DOCK9: variants seen among roughly 807,000 people sequenced by gnomAD.
The protein encoded by DOCK9 is dedicator of cytokinesis 9.
A neutral mutation model predicts 263.3 loss-of-function variants in DOCK9; 89 were observed. The ratio of observed to expected loss-of-function variants is 0.34; its 90% CI spans 0.28 to 0.40. The LOEUF is 0.40. DOCK9 is among the 10% of genes least tolerant of loss of function. The pLI, the probability that DOCK9 is intolerant of heterozygous loss-of-function variation, is 1.00. For synonymous variants in DOCK9, 976 were observed against 973.1 expected (o/e 1.00, Z -0.06); for missense variants, 2,140 against 2,603.4 (o/e 0.82, Z 3.87).
chr13:98,883,845 A>G lies in DOCK9; in HGVS notation c.2437T>C (p.Ser813Pro). 6.2e-7 allele frequency: 1 copy of G among 1,612,744 alleles called. No individual in the cohort carries two copies. The highest frequency in any genetic ancestry group is 8.5e-7 in the Non-Finnish European group (1 of 1,179,520). The part of the protein sequence containing the change: ...VDGGKPLLKI[S>P]THLVSTVYTQ... ...TACACTGTAGAAACCAGATGAGTGG[A>G]AATTTTCAGCAGTGGCTTGCCTCCA... The change falls in exon 22 of 53, where the codon TCC (serine) becomes CCC (proline). Residue 813 changes from serine to proline, a missense_variant. Physicochemically the swap from Ser to Pro is moderately conservative, Grantham distance 74 (BLOSUM62 -1). This residue lies in a region of DOCK9 where 1,521 missense variants were observed against 1,741.7 expected (regional missense o/e 0.87). Transcript: ENST00000682017.
At chr13:99,052,714 C>T (rs531321342) in intron 1 of DOCK9, among the ~76,000 whole-genome samples, 13 of 151,836 alleles carry the variant, frequency 8.6e-5, no homozygotes, top group Admixed American at 7.2e-4. Context: ...GGTCCTCCTA[C>T]GTCAGACTCC....
At chr13:98,802,460 A>G (rs1309838824) in intron 49 of DOCK9, among the ~76,000 whole-genome samples, 1 of 152,208 alleles carries the variant, frequency 6.6e-6, no homozygotes, top group African/African-American at 2.4e-5. Flanking sequence ...AGGCCCAGTG[A>G]TAAGTATGGT....
intron 2 of DOCK9, among the ~76,000 whole-genome samples, chr13:98,952,642 A>G (rs2057577727): frequency 1.3e-5 from 2 of 152,306 alleles, no homozygotes; most frequent in South Asian, 4.2e-4. Context: ...GCAACCCGCA[A>G]ATCTTTTCTT....
At chr13:98,982,901 A>T (rs550200365), upstream of DOCK9, among the ~76,000 whole-genome samples, 1 of 132,846 alleles carries the variant, frequency 7.5e-6, no homozygotes, top group East Asian at 2.0e-4. Context: ...GTATTTGAAA[A>T]CAGTAAAACT....
At chr13:98,871,934 A>T (rs1210335054) in intron 27 of DOCK9, 1 of 152,496 alleles carries the variant, frequency 6.6e-6, no homozygotes, top group African/African-American at 2.4e-5. Flanking sequence ...CTACCAACTG[A>T]CTCCTCGAAT....
chr13:99,076,407 T>C (rs568618100), intron 1 of DOCK9, among the ~76,000 whole-genome samples: 1 of 138,572 alleles, frequency 7.2e-6, no homozygotes, highest in Admixed American at 6.9e-5. Context: ...CTTATACATT[T>C]TGTACAAGAT....
chr13:98,837,488 A>G lies in DOCK9; in HGVS notation c.4314+6T>C. On this transcript the variant is annotated splice_donor_region_variant and intron_variant, in intron 39 of 52. Transcript: ENST00000682017. ...CTAGAACCACGAACAGCAAATTGAT[A>G]CAAACCTTAAACGCCAATGTAAATA... The G allele has an allele frequency of 6.2e-7, 1 of 1,602,606 alleles. No homozygotes were observed. Among genetic ancestry groups the G allele is most frequent in the Non-Finnish European group, 8.5e-7 (1 of 1,170,118 alleles).
chr13:99,051,855 C>CAAAAAAAAAAAAA lies in DOCK9; in HGVS notation c.129+34355_129+34367dup, dbSNP rs11392986. On this transcript the variant is annotated intron_variant, in intron 1 of 32. Transcript: ENST00000427887. ...GCTAAAGAACATGTTCCACTAGTGG[C>CAAAAAAAAAAAAA]AAAAAAAAAAAAAAAAAAAAAATCA... 1.0e-4 allele frequency among the ~76,000 whole-genome samples: 11 copies of CAAAAAAAAAAAAA among 106,052 alleles called. 1 individual carries two copies. Among genetic ancestry groups the CAAAAAAAAAAAAA allele is most frequent in the East Asian group, 2.9e-4 (1 of 3,480 alleles). The allele number at this position is 106,052 out of a possible 152,430, so 69.6% of individuals were successfully genotyped here. A position where few individuals can be genotyped will look rare whatever the true frequency, so the allele number is the denominator to read the frequency against.
At position 98,831,440 on chromosome 13, in the gene DOCK9, T is replaced by C. The variant is rs774572444; in HGVS notation, c.4543A>G (p.Ile1515Val). ...LKCCNSKLSSIRTEASQLLYF... is the reference protein window; with the variant it reads ...LKCCNSKLSSVRTEASQLLYF... The stretch of plus-strand genomic sequence containing the variant: ...AGCAGCTGGGAGGCCTCCGTCCTGA[T>C]GGAGCTCAGCTTGGAGTTACAGCAC... Residue 1515 changes from isoleucine to valine, a missense_variant, in exon 41 of 53, where the codon ATC becomes GTC. Coordinates refer to ENST00000682017, the MANE Select transcript of DOCK9 (RefSeq NM_001366683.2). 10 of 1,600,362 alleles carry C rather than the reference T, an allele frequency of 6.2e-6. No homozygotes were observed. Among genetic ancestry groups the C allele is most frequent in the South Asian group, 5.7e-5 (5 of 88,144 alleles).
rs545630546 is a variant in DOCK9, at chr13:98,804,495, G to A, written c.5725+504C>T. Among the ~76,000 whole-genome samples the A allele has an allele frequency of 5.3e-5, 8 of 152,310 alleles. No individual in the cohort carries two copies. The South Asian group carries it at 1.5e-3, about 28-fold the overall frequency. On this transcript the variant is annotated intron_variant, in intron 49 of 52. Transcript: ENST00000682017. ...GAATGCAGTGAGCTTCCTGGCAGAGGAGGCATTCAAGTGGCAGCTGGCCAG... is the reference window on the plus strand; with the variant it reads ...GAATGCAGTGAGCTTCCTGGCAGAGAAGGCATTCAAGTGGCAGCTGGCCAG...
At chr13:98,975,476 C>T (rs1022055902) in intron 1 of DOCK9, among the ~76,000 whole-genome samples, 13 of 108,604 alleles carry the variant, frequency 1.2e-4, no homozygotes, top group Admixed American at 9.0e-4. Context: ...AACACATACA[C>T]ACACACACAC....
At chr13:98,941,509 T>G (rs1240767771) in intron 2 of DOCK9, among the ~76,000 whole-genome samples, 4 of 152,200 alleles carry the variant, frequency 2.6e-5, no homozygotes, top group South Asian at 2.1e-4. Flanking sequence ...TGCAGTAAAC[T>G]AAATAACATA....
At chr13:99,012,816 C>CA (rs1324241236) in intron 1 of DOCK9, among the ~76,000 whole-genome samples, 1 of 152,160 alleles carries the variant, frequency 6.6e-6, no homozygotes, top group East Asian at 1.9e-4. Flanking sequence ...GGGTTAGAAG[C>CA]ACACCTCTAG....
In DOCK9 at chr13:98,960,465, G is replaced by A. The variant is rs545404560; in HGVS notation, c.127-4914C>T. On this transcript the variant is annotated intron_variant, in intron 1 of 52. Coordinates refer to ENST00000682017, the MANE Select transcript of DOCK9 (RefSeq NM_001366683.2). ...ATGTACAAGTCCTTCAGCTTTCCCCGTCACGTAGAGGCTCAAGTCCTTATC... is the reference window on the plus strand; with the variant it reads ...ATGTACAAGTCCTTCAGCTTTCCCCATCACGTAGAGGCTCAAGTCCTTATC... Among the ~76,000 whole-genome samples, 116 of 152,260 alleles carry A rather than the reference G, an allele frequency of 7.6e-4. 1 individual carries two copies. The Middle Eastern group carries it at 0.024, about 31-fold the overall frequency.
intron 15 of DOCK9, among the ~76,000 whole-genome samples, chr13:98,894,957 CAAAAA>C (rs71114557): frequency 0.068 from 4,994 of 73,298 alleles, 75 homozygotes; most frequent in Non-Finnish European, 0.094. Flanking sequence ...TACTAAAATA[CAAAAA>C]AAAAAAAAAA....
chr13:99,065,613 C>T (rs564989369), intron 1 of DOCK9, among the ~76,000 whole-genome samples: 4 of 152,334 alleles, frequency 2.6e-5, no homozygotes, highest in East Asian at 1.9e-4. Context: ...TGTGCTCCTA[C>T]GGGTCCCTCT....
chr13:98,920,197 T>C (rs947545859), intron 7 of DOCK9, among the ~76,000 whole-genome samples: 7 of 152,228 alleles, frequency 4.6e-5, no homozygotes, highest in Non-Finnish European at 8.8e-5. Flanking sequence ...TTTCACTTTA[T>C]CTGTATTGTC....
At chr13:98,830,874 C>T (rs2092733020) in intron 41 of DOCK9, among the ~76,000 whole-genome samples, 2 of 152,126 alleles carry the variant, frequency 1.3e-5, no homozygotes, top group Non-Finnish European at 2.9e-5. Context: ...GGACACCTAC[C>T]ATGTGTTTGT....
In DOCK9 at chr13:98,942,397, C is replaced by T. The variant is rs183729840; in HGVS notation, c.244-12140G>A. Among the ~76,000 whole-genome samples, 679 of 152,096 alleles carry T rather than the reference C, an allele frequency of 4.5e-3. 5 individuals are homozygous for T. Among genetic ancestry groups the T allele is most frequent in the Middle Eastern group, 0.037 (11 of 294 alleles). On this transcript the variant is annotated intron_variant, in intron 2 of 52. Transcript: ENST00000682017. Reference sequence around the variant, plus strand: ...GGGACTACAGGCACCCGCCACCACGCCCGGCTAATTTTTTGTATTTTAAGT... The same window carrying T: ...GGGACTACAGGCACCCGCCACCACGTCCGGCTAATTTTTTGTATTTTAAGT...
Sources: allele counts gnomAD v4.1 joint callset (sites outside exome capture counted in the v4.1 genomes callset), GRCh38; gene constraint gnomAD v4.1.1; regional missense constraint gnomAD v4.1.1; transcripts MANE v1.5; gene names NCBI Gene and HGNC (gene_info 2026-07-23, HGNC 2026-07-21).